TRPA1: variants seen among roughly 807,000 people sequenced by gnomAD.
The protein encoded by TRPA1 is ankyrin-like with transmembrane domains 1.
A neutral mutation model predicts 131.3 loss-of-function variants in TRPA1; 129 were observed. That is an observed-to-expected ratio of 0.98 (90% CI 0.85 to 1.14). The LOEUF is 1.14. Among genes scored for constraint, TRPA1 ranks in the 50% most tolerant of loss-of-function variants. The pLI is 0.00. For missense variants in TRPA1, 1,304 were observed against 1,354.2 expected (o/e 0.96, Z 0.58); for synonymous variants, 441 against 451.7 (o/e 0.98, Z 0.30).
Position 72,071,958 on chromosome 8 carries a change from C to A in TRPA1, c.112-91G>T. On this transcript the variant is annotated intron_variant, in intron 1 of 26. Transcript: ENST00000262209. ...ATAGCCTGAAAGAACTTATTATTAT[C>A]CAAAACTATCTATCATGCTTATATG... 2.6e-6 allele frequency: 3 copies of A among 1,152,380 alleles called. No homozygotes were observed. The South Asian group carries it at 3.9e-5, about 15-fold the overall frequency. The allele number at this position is 1,152,380 out of a possible 1,614,324, so 71.4% of individuals were successfully genotyped here. A position where few individuals can be genotyped will look rare whatever the true frequency, so the allele number is the denominator to read the frequency against.
rs1811432322 is a variant in TRPA1 at position 72,022,579 on chromosome 8, G to A, written c.*327C>T. On this transcript the variant is annotated 3_prime_UTR_variant, in exon 27 of 27. Transcript: ENST00000262209. ...ATTCAGTACTGACATTTGCATTTTA[G>A]CTTAATAGTTACATTTATTACTTCT... 2.5e-6 allele frequency: 1 copy of A among 401,906 alleles called. No individual in the cohort carries two copies. Among genetic ancestry groups the A allele is most frequent in the South Asian group, 2.2e-5 (1 of 45,198 alleles). 24.9% of individuals were successfully genotyped at this position (401,906 alleles called of 1,614,324 possible).
chr8:72,063,640 A>T (rs1427140774), intron 4 of TRPA1, 69 bp from the exon 5 acceptor site: 1 of 967,332 alleles, frequency 1.0e-6, no homozygotes, highest in African/African-American at 1.6e-5. Context: ...ATGAGAATTT[A>T]TGTGCCTCTC....
chr8:72,033,944 T>C (rs1334146801), intron 22 of TRPA1, 118 bp from the exon 23 acceptor site: 12 of 990,800 alleles, frequency 1.2e-5, no homozygotes, highest in South Asian at 2.8e-5. Context: ...CATAGGCATA[T>C]AGCTGTTGAA....
intron 25 of TRPA1, among the ~76,000 whole-genome samples, chr8:72,024,847 T>G (rs41504846): frequency 0.11 from 17,454 of 152,092 alleles, 1,237 homozygotes; most frequent in Admixed American, 0.24. Flanking sequence ...GTTGGAGAGA[T>G]ACTGTGGCGT....
chr8:72,046,432 T>G lies in TRPA1; in HGVS notation c.2061+81A>C. 3.7e-6 allele frequency: 3 copies of G among 802,334 alleles called. No homozygotes were observed. In the South Asian group the frequency reaches 5.1e-5, roughly 14 times the overall value. The allele number at this position is 802,334 out of a possible 1,614,324, so 49.7% of individuals were successfully genotyped here. ...GTAACTAACCTGCACAATGTGCACATGTACCCTAAAACTTAAAGTATAATA... is the reference window on the plus strand; with the variant it reads ...GTAACTAACCTGCACAATGTGCACAGGTACCCTAAAACTTAAAGTATAATA... On this transcript the variant is annotated intron_variant, in intron 17 of 26. Transcript: ENST00000262209.
chr8:72,087,304 T>C, the TRPA1 span, among the ~76,000 whole-genome samples: 1 of 152,212 alleles, frequency 6.6e-6, no homozygotes, highest in Non-Finnish European at 1.5e-5. Context: ...TTTACCCAAA[T>C]TGAATTTGAG....
At chr8:72,045,814 T>C (rs1812410190) in intron 17 of TRPA1, among the ~76,000 whole-genome samples, 1 of 151,894 alleles carries the variant, frequency 6.6e-6, no homozygotes, top group Non-Finnish European at 1.5e-5. Context: ...GGGGGTCAAA[T>C]GCATTATTTT....
intron 21 of TRPA1, among the ~76,000 whole-genome samples, chr8:72,035,182 T>G (rs1811987279): frequency 6.6e-6 from 1 of 152,202 alleles, no homozygotes; most frequent in African/African-American, 2.4e-5. Flanking sequence ...AAAGATGACT[T>G]ATTAAATGAG....
At chr8:72,063,685 G>C (rs1044177586) in intron 4 of TRPA1, 114 bp from the exon 5 acceptor site, 23 of 711,572 alleles carry the variant, frequency 3.2e-5, no homozygotes, top group Non-Finnish European at 5.5e-5. Flanking sequence ...CTATGTAAAA[G>C]TACATAGAGA....
rs1221753908 is a variant in TRPA1, at chr8:72,047,313, C to G, written c.1906-106G>C. 4.8e-6 allele frequency: 4 copies of G among 826,676 alleles called. No homozygotes were observed. The East Asian group carries it at 1.0e-4, about 21-fold the overall frequency. The allele number at this position is 826,676 out of a possible 1,614,324, so 51.2% of individuals were successfully genotyped here. ...TACACAAGACATTCCCTTTCCTTTC[C>G]TTGGTTTCTTGCATCTCAAGAATAA... On this transcript the variant is annotated intron_variant, in intron 15 of 26. Transcript: ENST00000262209.
At chr8:72,033,593 A>G (rs768050608) in intron 23 of TRPA1, 51 bp downstream of exon 23, 2 of 1,500,820 alleles carry the variant, frequency 1.3e-6, no homozygotes, top group South Asian at 2.3e-5. Flanking sequence ...TTATCATTAT[A>G]AAATGTTTCA....
chr8:72,038,804 T>A, intron 19 of TRPA1, 61 bp downstream of exon 19: 1 of 1,442,506 alleles, frequency 6.9e-7, no homozygotes, highest in Non-Finnish European at 9.5e-7. Context: ...GGTTTAGTAG[T>A]CTTAAGAAAA....
intron 3 of TRPA1, among the ~76,000 whole-genome samples, chr8:72,066,669 G>A (rs1015814980): frequency 1.3e-5 from 2 of 152,178 alleles, no homozygotes; most frequent in Non-Finnish European, 2.9e-5. Context: ...TTCCTTCCAT[G>A]GACTTTAGGC....
At chr8:72,075,669 C>T (rs1806165044), upstream of TRPA1, 5 of 516,306 alleles carry the variant, frequency 9.7e-6, no homozygotes, top group East Asian at 1.1e-4. Context: ...AGCTCCTTCG[C>T]AAAGAGGGCG....
chr8:72,079,528 T>C (rs2129437373), upstream of TRPA1, among the ~76,000 whole-genome samples: 1 of 152,126 alleles, frequency 6.6e-6, no homozygotes, highest in Admixed American at 6.5e-5. Flanking sequence ...TGTAAGAGTT[T>C]GTTTCTAGAC....
At chr8:72,087,393 A>T in the TRPA1 span, among the ~76,000 whole-genome samples, 2 of 152,302 alleles carry the variant, frequency 1.3e-5, no homozygotes, top group East Asian at 3.9e-4. Flanking sequence ...CGTTGGCAAA[A>T]GAAGGAGGAA....
chr8:72,075,508 G>C lies in TRPA1; in HGVS notation c.-99C>G. On this transcript the variant is annotated 5_prime_UTR_variant, in exon 1 of 27. Coordinates refer to ENST00000262209, the MANE Select transcript of TRPA1 (RefSeq NM_007332.3). ...CAGCCTGCCAGGCGCTGGGGTCCGC[G>C]CGAGCCCGAGCTCTCCCGCGCTGCA... is the stretch of plus-strand genomic sequence containing the variant. 1.0e-6 allele frequency: 1 copy of C among 957,878 alleles called. No individual in the cohort carries two copies. Among genetic ancestry groups the C allele is most frequent in the South Asian group, 1.3e-5 (1 of 76,890 alleles). The allele number at this position is 957,878 out of a possible 1,614,324, so 59.3% of individuals were successfully genotyped here.
Position 72,047,132 on chromosome 8 carries a change from GATAAA to G in TRPA1, c.1965+11_1965+15del. ...AACAAAATAAATTTCAGATAATGAT[GATAAA>G]ATAAACTTACATAATAGTCTCGGCA... On this transcript the variant is annotated intron_variant, in intron 16 of 26. Coordinates refer to ENST00000262209, the MANE Select transcript of TRPA1 (RefSeq NM_007332.3). 4.5e-6 allele frequency: 7 copies of G among 1,569,514 alleles called. No individual in the cohort carries two copies. The highest frequency in any genetic ancestry group is 6.1e-6 in the Non-Finnish European group (7 of 1,142,116).
intron 3 of TRPA1, among the ~76,000 whole-genome samples, chr8:72,066,686 G>A (rs143849419): frequency 6.6e-6 from 1 of 151,370 alleles, no homozygotes; most frequent in Non-Finnish European, 1.5e-5. Flanking sequence ...AGGCATCATC[G>A]CATTCTGTTC....
Sources: allele counts gnomAD v4.1 joint callset (sites outside exome capture counted in the v4.1 genomes callset), GRCh38; gene constraint gnomAD v4.1.1; transcripts MANE v1.5; gene names NCBI Gene and HGNC (gene_info 2026-07-23, HGNC 2026-07-21).